Variants in CNTN5 observed in about 807,000 individuals in gnomAD.
The protein encoded by CNTN5 is contactin-5.
Under a neutral mutation model 129.1 loss-of-function variants are expected in CNTN5, and 77 were observed. That is an observed-to-expected ratio of 0.60 (90% CI 0.50 to 0.72). CNTN5 has a LOEUF of 0.72. Among genes scored for constraint, CNTN5 ranks in the 30% least tolerant of loss-of-function variants. The probability of loss-of-function intolerance (pLI) is 0.00; values close to 1 mark genes in which losing one functional copy is unlikely to be tolerated. For synonymous variants in CNTN5, 509 were observed against 465.6 expected (o/e 1.09, Z -1.20); for missense variants, 1,478 against 1,328.8 (o/e 1.11, Z -1.75).
intron 2 of CNTN5, among the ~76,000 whole-genome samples, chr11:99,360,199 C>A (rs1427523039): frequency 6.6e-6 from 1 of 152,210 alleles, no homozygotes; most frequent in South Asian, 2.1e-4. Flanking sequence ...TTCCAGCCAG[C>A]CTTGCCACTT....
intron 13 of CNTN5, among the ~76,000 whole-genome samples, chr11:100,114,657 C>A (rs913197621): frequency 6.6e-6 from 1 of 151,920 alleles, no homozygotes; most frequent in African/African-American, 2.4e-5. Flanking sequence ...TCCTTCTGCT[C>A]ACAACTTAAC....
chr11:99,213,874 T>G (rs1404776194), intron 1 of CNTN5, among the ~76,000 whole-genome samples: 1 of 152,142 alleles, frequency 6.6e-6, no homozygotes, highest in Admixed American at 6.6e-5. Context: ...ATTTCTACCA[T>G]GCTGAGAATA....
chr11:99,385,507 A>C (rs1940872156), intron 2 of CNTN5, among the ~76,000 whole-genome samples: 1 of 152,238 alleles, frequency 6.6e-6, no homozygotes, highest in Admixed American at 6.5e-5. Flanking sequence ...AAAGGAGAAA[A>C]ATAAATGGTC....
chr11:99,186,282 A>G (rs1238021115), intron 1 of CNTN5, among the ~76,000 whole-genome samples: 1 of 151,988 alleles, frequency 6.6e-6, no homozygotes, highest in African/African-American at 2.4e-5. Context: ...ATACTTTTCT[A>G]CTTTAAACCC....
intron 8 of CNTN5, among the ~76,000 whole-genome samples, chr11:99,991,752 G>T (rs1939114550): frequency 6.7e-6 from 1 of 149,926 alleles, no homozygotes; most frequent in East Asian, 2.2e-4. Context: ...AGGTTTGTTT[G>T]TTTGTTTGTT....
intron 1 of CNTN5, among the ~76,000 whole-genome samples, chr11:99,314,961 G>T (rs1235308099): frequency 6.8e-6 from 1 of 147,268 alleles, no homozygotes; most frequent in African/African-American, 2.5e-5. Context: ...TGGGTGGGGG[G>T]ACGGGGTGTT....
At chr11:100,158,955 G>A (rs1251494390) in intron 13 of CNTN5, among the ~76,000 whole-genome samples, 1 of 151,832 alleles carries the variant, frequency 6.6e-6, no homozygotes, top group Non-Finnish European at 1.5e-5. Flanking sequence ...TCATGACAGT[G>A]TATTCAGATA....
intron 2 of CNTN5, among the ~76,000 whole-genome samples, chr11:99,395,505 G>T (rs1338232454): frequency 6.6e-6 from 1 of 151,906 alleles, no homozygotes; most frequent in Admixed American, 6.6e-5. Flanking sequence ...TGTTTATTCT[G>T]TTGATAGTTT....
In CNTN5 at chr11:99,849,189, A is replaced by G. The variant is rs868129407; in HGVS notation, c.577+3927A>G. ...AATTATCCATATACTAACAATTATT[A>G]TACATATTTATTGTGATAAGATAAA... On this transcript the variant is annotated intron_variant, in intron 6 of 24. Transcript: ENST00000524871. 2.6e-4 allele frequency among the ~76,000 whole-genome samples: 39 copies of G among 151,656 alleles called. 1 individual carries two copies. Among genetic ancestry groups the G allele is most frequent in the Admixed American group, 9.9e-4 (15 of 15,208 alleles).
intron 8 of CNTN5, among the ~76,000 whole-genome samples, chr11:99,963,497 G>C (rs1405884473): frequency 1.3e-5 from 2 of 152,086 alleles, no homozygotes; most frequent in African/African-American, 4.8e-5. Context: ...TGAGGGCTCT[G>C]TTCTGTTCTG....
chr11:99,923,102 A>G (rs1949977140), intron 7 of CNTN5, among the ~76,000 whole-genome samples: 1 of 152,162 alleles, frequency 6.6e-6, no homozygotes, highest in Non-Finnish European at 1.5e-5. Context: ...TATTACCTCA[A>G]ATAGATGTGC....
At chr11:99,196,656 T>C (rs546852936) in intron 1 of CNTN5, among the ~76,000 whole-genome samples, 12 of 152,102 alleles carry the variant, frequency 7.9e-5, no homozygotes, top group Non-Finnish European at 1.5e-4. Flanking sequence ...TCCTGAACTT[T>C]CCTTTGTGCC....
intron 2 of CNTN5, among the ~76,000 whole-genome samples, chr11:99,532,247 A>G (rs1028166837): frequency 1.3e-5 from 2 of 152,098 alleles, no homozygotes; most frequent in African/African-American, 4.8e-5. Flanking sequence ...TGGGACTTGC[A>G]TGGGCCCTGT....
chr11:100,259,411 T>C, intron 17 of CNTN5, among the ~76,000 whole-genome samples: 1 of 152,010 alleles, frequency 6.6e-6, no homozygotes, highest in South Asian at 2.1e-4. Context: ...AACAAGGATA[T>C]TCAGGACTTA....
chr11:99,690,271 C>G (rs954816224), intron 3 of CNTN5, among the ~76,000 whole-genome samples: 4 of 152,094 alleles, frequency 2.6e-5, no homozygotes, highest in African/African-American at 9.7e-5. Context: ...GTTCTCTATT[C>G]TGTTCCATTG....
intron 4 of CNTN5, among the ~76,000 whole-genome samples, chr11:99,838,892 T>G (rs1365117730): frequency 6.6e-6 from 1 of 152,076 alleles, no homozygotes. Flanking sequence ...TAGCTAGAAA[T>G]AAGTCATTAA....
intron 2 of CNTN5, among the ~76,000 whole-genome samples, chr11:99,540,487 C>T (rs1591246536): frequency 6.6e-6 from 1 of 152,076 alleles, no homozygotes; most frequent in Admixed American, 6.6e-5. Context: ...CTCATAATTG[C>T]TATATTATTA....
chr11:99,379,103 A>G (rs760145013), intron 2 of CNTN5, among the ~76,000 whole-genome samples: 2 of 150,524 alleles, frequency 1.3e-5, no homozygotes, highest in African/African-American at 2.4e-5. Flanking sequence ...AAGTTAATTA[A>G]TTTATTCTTT....
chr11:100,119,371 C>T (rs547738401), intron 13 of CNTN5, among the ~76,000 whole-genome samples: 65 of 152,016 alleles, frequency 4.3e-4, no homozygotes, highest in African/African-American at 1.5e-3. Context: ...TTGCTATGCT[C>T]TTGTTGCTAT....
Sources: gnomAD v4.1 joint callset for allele counts (sites outside exome capture counted in the v4.1 genomes callset) on GRCh38, gnomAD v4.1.1 for gene constraint, MANE v1.5 for transcripts, NCBI Gene and HGNC (gene_info 2026-07-23, HGNC 2026-07-21) for gene names.